Variants in ADK observed in about 807,000 individuals in gnomAD.
ADK encodes N6,N6-dimethyladenosine kinase.
A neutral mutation model predicts 44.7 loss-of-function variants in ADK; 24 were observed. The ratio of observed to expected loss-of-function variants is 0.54; its 90% CI spans 0.39 to 0.76. The LOEUF (loss-of-function observed/expected upper bound fraction) is 0.76, where lower values mean the gene tolerates loss of function less well. ADK is among the 30% of genes least tolerant of loss of function. The pLI, the probability that ADK is intolerant of heterozygous loss-of-function variation, is 0.00. For missense variants in ADK, 321 were observed against 425.1 expected (o/e 0.76, Z 2.15); for synonymous variants, 128 against 142.6 (o/e 0.90, Z 0.73).
At chr10:74,494,078 A>G (rs1193273325) in intron 6 of ADK, among the ~76,000 whole-genome samples, 2 of 152,180 alleles carry the variant, frequency 1.3e-5, no homozygotes, top group African/African-American at 4.8e-5. Flanking sequence ...ATTTATGGTC[A>G]TTTTAATTCT....
chr10:74,280,351 C>T (rs1331792340), intron 3 of ADK, among the ~76,000 whole-genome samples: 2 of 151,748 alleles, frequency 1.3e-5, no homozygotes, highest in African/African-American at 4.8e-5. Flanking sequence ...ATCTACCCGC[C>T]TTGGCCTCCC....
intron 9 of ADK, among the ~76,000 whole-genome samples, chr10:74,656,327 TG>T (rs1854487875): frequency 6.6e-6 from 1 of 152,236 alleles, no homozygotes; most frequent in Non-Finnish European, 1.5e-5. Flanking sequence ...TCCCACAGTG[TG>T]AAGATGGTAC....
At chr10:74,581,462 A>G (rs1158514237) in intron 7 of ADK, among the ~76,000 whole-genome samples, 1 of 152,188 alleles carries the variant, frequency 6.6e-6, no homozygotes, top group Non-Finnish European at 1.5e-5. Flanking sequence ...ATGATCAAAT[A>G]TATAAAGACT....
At chr10:74,411,389 A>G (rs1056586313) in intron 6 of ADK, among the ~76,000 whole-genome samples, 5 of 152,222 alleles carry the variant, frequency 3.3e-5, no homozygotes, top group Non-Finnish European at 4.4e-5. Flanking sequence ...TTAAGCAAAG[A>G]CATCTTTGCT....
chr10:74,662,060 TA>T (rs1053441089), intron 9 of ADK, among the ~76,000 whole-genome samples: 1 of 152,222 alleles, frequency 6.6e-6, no homozygotes, highest in African/African-American at 2.4e-5. Context: ...TAATATTATA[TA>T]GGTCTTTATA....
At chr10:74,526,433 C>G (rs1373309850) in intron 7 of ADK, among the ~76,000 whole-genome samples, 4 of 152,136 alleles carry the variant, frequency 2.6e-5, no homozygotes, top group African/African-American at 9.7e-5. Context: ...GTGTGTCTTC[C>G]TATGACTTGG....
At chr10:74,211,174 C>T (rs1313119092) in intron 2 of ADK, among the ~76,000 whole-genome samples, 4 of 152,150 alleles carry the variant, frequency 2.6e-5, no homozygotes, top group Non-Finnish European at 4.4e-5. Context: ...TGTGAGCTAC[C>T]GTGCCCGGTC....
chr10:74,464,681 A>T (rs1001655192), intron 6 of ADK, among the ~76,000 whole-genome samples: 2 of 152,142 alleles, frequency 1.3e-5, no homozygotes, highest in African/African-American at 4.8e-5. Context: ...ATTTTTATTC[A>T]AGACATACAT....
chr10:74,495,303 T>C (rs1458151835), intron 6 of ADK, among the ~76,000 whole-genome samples: 1 of 152,144 alleles, frequency 6.6e-6, no homozygotes, highest in African/African-American at 2.4e-5. Flanking sequence ...TTTTTTCCTT[T>C]TTTTTCTCTT....
At chr10:74,256,469 A>G (rs1000269428) in intron 3 of ADK, among the ~76,000 whole-genome samples, 4 of 152,184 alleles carry the variant, frequency 2.6e-5, no homozygotes, top group African/African-American at 7.2e-5. Flanking sequence ...TTAGTGAGGT[A>G]AACATTTTTT....
chr10:74,371,914 C>G, intron 4 of ADK: 2 of 1,444,716 alleles, frequency 1.4e-6, no homozygotes, highest in Non-Finnish European at 1.9e-6. Context: ...GTTACTGACC[C>G]CAGGGCTGAC....
chr10:74,424,703 G>C (rs1421339976), intron 6 of ADK, among the ~76,000 whole-genome samples: 1 of 151,796 alleles, frequency 6.6e-6, no homozygotes, highest in East Asian at 1.9e-4. Flanking sequence ...CTCTTATATA[G>C]TTTCCCTTTT....
intron 9 of ADK, among the ~76,000 whole-genome samples, chr10:74,644,273 G>A (rs1005306858): frequency 6.6e-6 from 1 of 152,256 alleles, no homozygotes; most frequent in Admixed American, 6.5e-5. Flanking sequence ...TCCTCTTGAA[G>A]GTTTAATCTG....
chr10:74,579,956 A>T (rs1851320685), intron 7 of ADK, among the ~76,000 whole-genome samples: 1 of 152,204 alleles, frequency 6.6e-6, no homozygotes, highest in African/African-American at 2.4e-5. Context: ...AGAATATTAC[A>T]TCAGTTGGGG....
chr10:74,232,765 A>G (rs942394438), intron 3 of ADK, among the ~76,000 whole-genome samples: 3 of 152,046 alleles, frequency 2.0e-5, no homozygotes, highest in African/African-American at 7.2e-5. Flanking sequence ...AGCTGGGACT[A>G]TAGGCGCACG....
chr10:74,258,047 C>A (rs184872423), intron 3 of ADK, among the ~76,000 whole-genome samples: 1 of 152,134 alleles, frequency 6.6e-6, no homozygotes, highest in Non-Finnish European at 1.5e-5. Flanking sequence ...TCCTCACTTG[C>A]TTCCTTCTTA....
intron 7 of ADK, among the ~76,000 whole-genome samples, chr10:74,555,156 C>T (rs896336297): frequency 6.6e-6 from 1 of 152,146 alleles, no homozygotes; most frequent in Non-Finnish European, 1.5e-5. Context: ...ATTAGCCCTG[C>T]ATGGCCCATG....
chr10:74,157,022 G>A (rs911367466), intron 1 of ADK, among the ~76,000 whole-genome samples: 1 of 152,178 alleles, frequency 6.6e-6, no homozygotes, highest in African/African-American at 2.4e-5. Flanking sequence ...AACTGAAGCT[G>A]GGCTGAGACT....
chr10:74,546,491 C>A (rs1308384548), intron 7 of ADK, among the ~76,000 whole-genome samples: 9 of 152,000 alleles, frequency 5.9e-5, no homozygotes, highest in Non-Finnish European at 1.2e-4. Context: ...GAAAAATACT[C>A]CACGATGTCA....
Sources: gnomAD v4.1 joint callset for allele counts (sites outside exome capture counted in the v4.1 genomes callset) on GRCh38, gnomAD v4.1.1 for gene constraint, MANE v1.5 for transcripts, NCBI Gene and HGNC (gene_info 2026-07-23, HGNC 2026-07-21) for gene names.